Variants in CHRM2 observed in about 807,000 individuals in gnomAD.
CHRM2 encodes cholinergic receptor muscarinic 2.
A neutral mutation model predicts 25.0 loss-of-function variants in CHRM2; 8 were observed. The ratio of observed to expected loss-of-function variants is 0.32; its 90% CI spans 0.19 to 0.58. The LOEUF is 0.58. Ranked by LOEUF, CHRM2 falls within the 20% of genes least tolerant of loss-of-function variation. The pLI is 0.88. For synonymous variants in CHRM2, 202 were observed against 205.7 expected (o/e 0.98, Z 0.15); for missense variants, 440 against 567.1 (o/e 0.78, Z 2.28).
chr7:137,013,814 T>C (rs551743031), intron 3 of CHRM2, among the ~76,000 whole-genome samples: 1 of 152,016 alleles, frequency 6.6e-6, no homozygotes, highest in Non-Finnish European at 1.5e-5. Context: ...TTAATCATCA[T>C]TGAACGTCCA....
intron 3 of CHRM2, among the ~76,000 whole-genome samples, chr7:136,993,420 T>A (rs774940775): frequency 9.9e-5 from 15 of 152,206 alleles, no homozygotes; most frequent in Non-Finnish European, 1.5e-4. Context: ...CCTTTGACAG[T>A]GGGCCAATTG....
intron 3 of CHRM2, among the ~76,000 whole-genome samples, chr7:136,997,269 G>GTTCA (rs1803668331): frequency 6.6e-6 from 1 of 152,150 alleles, no homozygotes; most frequent in Non-Finnish European, 1.5e-5. Flanking sequence ...AGCAGTAAAA[G>GTTCA]TTCACAGTTG....
intron 2 of CHRM2, among the ~76,000 whole-genome samples, chr7:136,893,130 T>G (rs1266319568): frequency 6.6e-6 from 1 of 152,164 alleles, no homozygotes; most frequent in East Asian, 1.9e-4. Flanking sequence ...ACTAACTGAT[T>G]TGAAGTTGCC....
chr7:136,888,537 TG>T (rs1212144293), intron 2 of CHRM2, among the ~76,000 whole-genome samples: 1 of 152,086 alleles, frequency 6.6e-6, no homozygotes, highest in African/African-American at 2.4e-5. Context: ...TTCACCCTGT[TG>T]GGCAAAAGGT....
At chr7:136,890,662 G>A (rs1796656335) in intron 2 of CHRM2, among the ~76,000 whole-genome samples, 1 of 152,184 alleles carries the variant, frequency 6.6e-6, no homozygotes, top group Admixed American at 6.5e-5. Flanking sequence ...CTTCTAGCCT[G>A]AAGAGGATGC....
chr7:136,869,923 C>G lies in CHRM2; in HGVS notation c.-125+505C>G, dbSNP rs1795750034. 1 of 152,380 alleles carries G rather than the reference C, an allele frequency of 6.6e-6. No individual in the cohort carries two copies. The highest frequency in any genetic ancestry group is 2.4e-5 in the African/African-American group (1 of 41,466). The allele number at this position is 152,380 out of a possible 1,614,324, so 9.4% of individuals were successfully genotyped here. On this transcript the variant is annotated intron_variant, in intron 2 of 3. Coordinates refer to ENST00000680005, the MANE Select transcript of CHRM2 (RefSeq NM_001006630.2). This position sits in a 1 kb window ranked among gnomAD's most constrained non-coding sequence, Gnocchi z 4.9. ...ATGGAGGCCCGGCTCGCTCGGGCTC[C>G]GAGCTGTCCCCCGGCTCCGCTTTCG...
rs115279955 is a variant in CHRM2, at chr7:136,951,638, G to A, written c.-124-40549G>A. 6.0e-3 allele frequency among the ~76,000 whole-genome samples: 912 copies of A among 152,174 alleles called. 15 individuals carry two copies. Among genetic ancestry groups the A allele is most frequent in the African/African-American group, 0.021 (879 of 41,514 alleles). On this transcript the variant is annotated intron_variant, in intron 2 of 3. Coordinates refer to ENST00000680005, the MANE Select transcript of CHRM2 (RefSeq NM_001006630.2). ...TCGCTGTCCTTTCCTAATGATATCC[G>A]GAAAGAATAACTTGGGATCTGGGAT...
At position 136,868,765 on chromosome 7, in the gene CHRM2, C is replaced by CAG. The variant is rs997167234; in HGVS notation, c.-509_-508insGA. ...GCGCGGGCACACACACACACACACA[C>CAG]ACACACACAGACACACACACACTCA... On this transcript the variant is annotated 5_prime_UTR_variant, in exon 1 of 4. Coordinates refer to ENST00000680005, the MANE Select transcript of CHRM2 (RefSeq NM_001006630.2). The CAG allele has an allele frequency of 6.6e-5, 10 of 152,534 alleles. No individual in the cohort carries two copies. Among genetic ancestry groups the CAG allele is most frequent in the African/African-American group, 2.4e-4 (10 of 41,454 alleles). The allele number at this position is 152,534 out of a possible 1,614,324, so 9.4% of individuals were successfully genotyped here. A position where few individuals can be genotyped will look rare whatever the true frequency, so the allele number is the denominator to read the frequency against.
chr7:136,961,726 C>G (rs530550269), intron 2 of CHRM2, among the ~76,000 whole-genome samples: 4 of 151,280 alleles, frequency 2.6e-5, no homozygotes, highest in African/African-American at 9.7e-5. Flanking sequence ...TCTAGATAAA[C>G]TTTATTAGAG....
intron 2 of CHRM2, among the ~76,000 whole-genome samples, chr7:136,886,076 A>C (rs1796452613): frequency 6.6e-6 from 1 of 152,212 alleles, no homozygotes; most frequent in Admixed American, 6.5e-5. Context: ...CTGTCATCGA[A>C]GGGAAACATT....
At chr7:136,873,142 A>G (rs1584678030) in intron 2 of CHRM2, among the ~76,000 whole-genome samples, 1 of 152,224 alleles carries the variant, frequency 6.6e-6, no homozygotes, top group South Asian at 2.1e-4. Context: ...ACCAATGTCC[A>G]CCTTGTGACT....
At chr7:136,887,368 C>T (rs1796508500) in intron 2 of CHRM2, among the ~76,000 whole-genome samples, 1 of 151,912 alleles carries the variant, frequency 6.6e-6, no homozygotes, top group Non-Finnish European at 1.5e-5. Context: ...AGTAACAACA[C>T]ATTGAGGAAA....
intron 2 of CHRM2, among the ~76,000 whole-genome samples, chr7:136,957,940 C>T (rs183552147): frequency 2.4e-3 from 367 of 152,222 alleles, no homozygotes; most frequent in Non-Finnish European, 4.2e-3. Context: ...ATAAATTAAG[C>T]TAGAAGTTTA....
At chr7:136,915,543 C>CT (rs1798058789) in intron 2 of CHRM2, among the ~76,000 whole-genome samples, 20 of 151,902 alleles carry the variant, frequency 1.3e-4, no homozygotes, top group Admixed American at 1.2e-3. Context: ...AGTATTGGAA[C>CT]ATGTTCTAGT....
chr7:136,985,124 C>T (rs1170006391), intron 2 of CHRM2, among the ~76,000 whole-genome samples: 1 of 152,118 alleles, frequency 6.6e-6, no homozygotes, highest in Non-Finnish European at 1.5e-5. Flanking sequence ...GCCAATGCTG[C>T]AACACACAGC....
intron 2 of CHRM2, among the ~76,000 whole-genome samples, chr7:136,986,190 T>C (rs985091772): frequency 6.6e-6 from 1 of 152,290 alleles, no homozygotes; most frequent in East Asian, 1.9e-4. Context: ...ACCTCAGAAC[T>C]ATCTTTAAAG....
Position 137,016,059 on chromosome 7 carries a change from C to T in CHRM2, c.1194C>T (p.Ile398=), listed in dbSNP as rs150776322. The T allele has an allele frequency of 4.4e-5, 71 of 1,612,600 alleles. No homozygotes were observed. Among genetic ancestry groups the T allele is most frequent in the African/African-American group, 5.4e-5 (4 of 74,752 alleles). The part of the protein sequence containing the change: ...TILAILLAFI[I]TWAPYNVMVL... ...TGGCTATTCTGTTGGCTTTCATCAT[C>T]ACTTGGGCCCCATACAATGTCATGG... The change falls in exon 4 of 4, where the codon ATC becomes ATT. Residue 398 remains isoleucine (I), a synonymous_variant. Coordinates refer to ENST00000680005, the MANE Select transcript of CHRM2 (RefSeq NM_001006630.2).
chr7:136,917,115 T>C (rs1332994176), intron 2 of CHRM2, among the ~76,000 whole-genome samples: 1 of 152,038 alleles, frequency 6.6e-6, no homozygotes, highest in Non-Finnish European at 1.5e-5. Context: ...AACATGATAT[T>C]TTTTACATAC....
At chr7:136,951,637 C>T (rs192931968) in intron 2 of CHRM2, among the ~76,000 whole-genome samples, 107 of 152,174 alleles carry the variant, frequency 7.0e-4, no homozygotes, top group Non-Finnish European at 1.1e-3. Flanking sequence ...TAATGATATC[C>T]GGAAAGAATA....
Sources: gnomAD v4.1 joint callset for allele counts (sites outside exome capture counted in the v4.1 genomes callset) on GRCh38, gnomAD v4.1.1 for gene constraint, Gnocchi (gnomAD v3.1) non-coding constraint, MANE v1.5 for transcripts, NCBI Gene and HGNC (gene_info 2026-07-23, HGNC 2026-07-21) for gene names.